Variants in SYTL4 observed in about 807,000 individuals in gnomAD.
The protein encoded by SYTL4 is synaptotagmin-like protein 4.
In SYTL4, 16 loss-of-function variants were observed where a neutral mutation model predicts 52.7. The observed-to-expected ratio is 0.30, with a 90% CI of 0.21 to 0.46. The LOEUF is 0.46. Among genes scored for constraint, SYTL4 ranks in the 20% least tolerant of loss-of-function variants. SYTL4 has a pLI of 1.00. For missense variants in SYTL4, 423 were observed against 519.9 expected (o/e 0.81, Z 1.81); for synonymous variants, 160 against 186.6 (o/e 0.86, Z 1.16).
intron 2 of SYTL4, among the ~76,000 whole-genome samples, chrX:100,705,300 A>AC (rs2083933974): frequency 1.8e-5 from 2 of 111,622 alleles, no homozygotes; most frequent in South Asian, 3.8e-4. Flanking sequence ...GACTATTATT[A>AC]CCCCCATTGT....
intron 19 of SYTL4, among the ~76,000 whole-genome samples, chrX:100,677,616 C>A (rs2083301121): frequency 8.9e-6 from 1 of 112,065 alleles, no homozygotes; most frequent in Non-Finnish European, 1.9e-5. Flanking sequence ...TAGAATGCAG[C>A]ACCTACAAAG....
At chrX:100,720,067 G>A (rs192789239) in intron 2 of SYTL4, among the ~76,000 whole-genome samples, 92 of 112,013 alleles carry the variant, frequency 8.2e-4, no homozygotes, top group African/African-American at 2.9e-3. Flanking sequence ...GTGATACATA[G>A]AAGTAACTCT....
chrX:100,728,993 C>T (rs1280626398), intron 2 of SYTL4, among the ~76,000 whole-genome samples: 1 of 108,226 alleles, frequency 9.2e-6, no homozygotes, highest in Non-Finnish European at 1.9e-5. Flanking sequence ...GCCAAGATCG[C>T]GCCACTGTAC....
rs779607112 is a variant in SYTL4, at chrX:100,678,374, G to T, written c.1867+17C>A. 2.6e-6 allele frequency: 3 copies of T among 1,172,407 alleles called. No individual in the cohort carries two copies. The highest frequency in any genetic ancestry group is 3.5e-6 in the Non-Finnish European group (3 of 860,587). On this transcript the variant is annotated intron_variant, in intron 19 of 19. Coordinates refer to ENST00000372989, the MANE Select transcript of SYTL4 (RefSeq NM_001370165.1). ...AAGAAGCCTTCAAACAAGTGAGGAT[G>T]GGGGAGGGGATCTCACCAGTGCCAA...
intron 2 of SYTL4, among the ~76,000 whole-genome samples, chrX:100,724,838 C>A (rs1260888479): frequency 1.2e-5 from 1 of 85,484 alleles, no homozygotes; most frequent in African/African-American, 4.6e-5. Context: ...GCCAAATCCC[C>A]CTCTGCGAGA....
intron 14 of SYTL4, 62 bp downstream of exon 14, chrX:100,687,005 G>A (rs2083486185): frequency 7.1e-6 from 8 of 1,134,015 alleles, no homozygotes; most frequent in Admixed American, 2.3e-5. Flanking sequence ...AAGAGTGCCC[G>A]GACAGATGCC....
At chrX:100,694,772 T>C (rs1034886569) in intron 8 of SYTL4, among the ~76,000 whole-genome samples, 1 of 111,700 alleles carries the variant, frequency 9.0e-6, no homozygotes, top group African/African-American at 3.3e-5. Flanking sequence ...AACAAACTAA[T>C]AGATGCACAA....
chrX:100,697,577 A>C (rs899798867), intron 8 of SYTL4, among the ~76,000 whole-genome samples: 2 of 112,094 alleles, frequency 1.8e-5, no homozygotes, highest in African/African-American at 6.5e-5. Flanking sequence ...CCCTAGGAAA[A>C]CAAGTAGGTT....
chrX:100,675,990 C>G lies in SYTL4; in HGVS notation c.*38G>C. 1 of 1,190,466 alleles carries G rather than the reference C, an allele frequency of 8.4e-7. No individual in the cohort carries two copies. The highest frequency in any genetic ancestry group is 2.3e-5 in the Admixed American group (1 of 44,084). On this transcript the variant is annotated 3_prime_UTR_variant, in exon 20 of 20. Coordinates refer to ENST00000372989, the MANE Select transcript of SYTL4 (RefSeq NM_001370165.1). ...TGATTTCTTCACTTCCTCTGACCTG[C>G]CCTCGCCAGGGCTGGACCTGCAGAA... is the stretch of plus-strand genomic sequence containing the variant.
chrX:100,687,462 G>A, intron 13 of SYTL4: 1 of 395,387 alleles, frequency 2.5e-6, no homozygotes, highest in Admixed American at 4.5e-5. Context: ...GGCTCACCTA[G>A]CCTCTTAGCT....
At chrX:100,695,367 T>C (rs2083684810) in intron 8 of SYTL4, among the ~76,000 whole-genome samples, 2 of 111,717 alleles carry the variant, frequency 1.8e-5, no homozygotes, top group Non-Finnish European at 3.8e-5. Context: ...TGTTTTCATG[T>C]TTAGGATAAA....
chrX:100,695,435 T>C (rs1602806178), intron 8 of SYTL4, among the ~76,000 whole-genome samples: 1 of 111,512 alleles, frequency 9.0e-6, no homozygotes, highest in South Asian at 3.8e-4. Context: ...AGCAATAGGT[T>C]TCAGAAATTA....
intron 8 of SYTL4, among the ~76,000 whole-genome samples, chrX:100,692,165 C>A (rs1295181680): frequency 9.0e-6 from 1 of 111,581 alleles, no homozygotes; most frequent in Non-Finnish European, 1.9e-5. Context: ...TCTGGCCATG[C>A]CCCCACCCTA....
chrX:100,712,298 A>G (rs2084088797), intron 2 of SYTL4, among the ~76,000 whole-genome samples: 1 of 112,371 alleles, frequency 8.9e-6, no homozygotes, highest in Admixed American at 9.4e-5. Context: ...TTTAAAGGAA[A>G]AATAACGATA....
At chrX:100,699,757 G>C (rs1490897732) in intron 8 of SYTL4, among the ~76,000 whole-genome samples, 2 of 106,003 alleles carry the variant, frequency 1.9e-5, no homozygotes, top group Non-Finnish European at 3.9e-5. Context: ...GCCTCCCAAA[G>C]TGCTGGGATT....
At chrX:100,681,477 C>T in intron 16 of SYTL4, 142 bp from the exon 17 acceptor site, 1 of 456,227 alleles carries the variant, frequency 2.2e-6, no homozygotes, top group Non-Finnish European at 3.7e-6. Context: ...TATAATCCAC[C>T]GTCCCTAGGC....
chrX:100,690,527 G>C, intron 10 of SYTL4, 36 bp downstream of exon 10: 2 of 1,110,852 alleles, frequency 1.8e-6, no homozygotes, highest in Admixed American at 2.2e-5. Flanking sequence ...GGAAGGAAGG[G>C]AGGGGAGGAA....
chrX:100,730,785 CT>C (rs1200575230), intron 2 of SYTL4, among the ~76,000 whole-genome samples: 1 of 111,332 alleles, frequency 9.0e-6, no homozygotes, highest in African/African-American at 3.3e-5. Context: ...TGGTGCTTTT[CT>C]ACTAGGGTGC....
intron 8 of SYTL4, among the ~76,000 whole-genome samples, chrX:100,698,933 G>A (rs185293698): frequency 6.3e-5 from 7 of 111,975 alleles, no homozygotes; most frequent in Non-Finnish European, 1.1e-4. Context: ...CAAATAGTGG[G>A]GATAGAAGAA....
Sources: allele counts gnomAD v4.1 joint callset (sites outside exome capture counted in the v4.1 genomes callset), GRCh38; gene constraint gnomAD v4.1.1; transcripts MANE v1.5; gene names NCBI Gene and HGNC (gene_info 2026-07-23, HGNC 2026-07-21).